The following MMRN1 variants were observed in gnomAD, a reference collection of about 807,000 sequenced individuals.
MMRN1 encodes multimerin-1.
A neutral mutation model predicts 100.7 loss-of-function variants in MMRN1; 94 were observed. That is an observed-to-expected ratio of 0.93 (90% CI 0.79 to 1.11). The LOEUF (loss-of-function observed/expected upper bound fraction) is 1.11. Ranked by LOEUF, MMRN1 falls within the 50% of genes least tolerant of loss-of-function variation. The pLI is 0.00. For missense variants in MMRN1, 1,606 were observed against 1,439.1 expected (o/e 1.12, Z -1.88); for synonymous variants, 575 against 505.0 (o/e 1.14, Z -1.86).
At chr4:89,933,149 G>A (rs1407135163) in intron 5 of MMRN1, among the ~76,000 whole-genome samples, 1 of 152,146 alleles carries the variant, frequency 6.6e-6, no homozygotes, top group African/African-American at 2.4e-5. Context: ...CAAGTTCAAA[G>A]TTCCACAGAT....
At chr4:89,887,514 G>A (rs1396849387) in intron 1 of MMRN1, among the ~76,000 whole-genome samples, 1 of 151,828 alleles carries the variant, frequency 6.6e-6, no homozygotes, top group African/African-American at 2.4e-5. Context: ...AGTGATTTTG[G>A]CTTCACATAT....
rs1180060707 is a variant in MMRN1, at chr4:89,927,981, T to A, written c.1129+13T>A. The A allele has an allele frequency of 6.6e-7, 1 of 1,518,106 alleles. No individual in the cohort carries two copies. Among genetic ancestry groups the A allele is most frequent in the Non-Finnish European group, 8.9e-7 (1 of 1,123,036 alleles). 94.0% of individuals were successfully genotyped at this position (1,518,106 alleles called of 1,614,324 possible). On this transcript the variant is annotated intron_variant, in intron 5 of 7. Transcript: ENST00000264790. ...TCTCTTCTAAAAGGTAAAAATGAAATAAAATAAAATATTCATTCAGTAACA... is the reference window on the plus strand; with the variant it reads ...TCTCTTCTAAAAGGTAAAAATGAAAAAAAATAAAATATTCATTCAGTAACA...
chr4:89,890,375 A>G (rs116104527), upstream of MMRN1, among the ~76,000 whole-genome samples: 1 of 151,566 alleles, frequency 6.6e-6, no homozygotes, highest in Admixed American at 6.6e-5. Flanking sequence ...GTTTCTGCCC[A>G]TTGGCGTTCC....
intron 2 of MMRN1, among the ~76,000 whole-genome samples, chr4:89,910,187 A>G (rs190444162): frequency 6.9e-4 from 105 of 151,552 alleles, no homozygotes; most frequent in Non-Finnish European, 1.2e-3. Context: ...AGGAATAGCT[A>G]AGGTTCATGG....
chr4:89,944,609 G>A (rs140198050), intron 6 of MMRN1, among the ~76,000 whole-genome samples: 19 of 152,210 alleles, frequency 1.2e-4, no homozygotes, highest in Non-Finnish European at 2.5e-4. Flanking sequence ...GGGTTGTTTA[G>A]AGGCAGGCAA....
At chr4:89,882,633 A>G (rs1451390453) in intron 1 of MMRN1, among the ~76,000 whole-genome samples, 1 of 150,318 alleles carries the variant, frequency 6.7e-6, no homozygotes, top group African/African-American at 2.5e-5. Flanking sequence ...CCAGAAGAAT[A>G]TATATGTTGT....
chr4:89,942,314 G>A (rs1287346813), intron 6 of MMRN1, among the ~76,000 whole-genome samples: 3 of 151,988 alleles, frequency 2.0e-5, no homozygotes, highest in Non-Finnish European at 4.4e-5. Flanking sequence ...TTTTGTACTG[G>A]TCATTAACTA....
At chr4:89,952,944 A>AC (rs3832297) in intron 7 of MMRN1, 53 bp from the exon 8 acceptor site, 946,008 of 1,485,178 alleles carry the variant, frequency 0.64, 305,061 homozygotes, top group East Asian at 0.87. Context: ...ATAAGGAAAG[A>AC]AAAATAAGAT....
At chr4:89,946,376 T>A (rs1206282708) in intron 6 of MMRN1, among the ~76,000 whole-genome samples, 1 of 152,212 alleles carries the variant, frequency 6.6e-6, no homozygotes, top group African/African-American at 2.4e-5. Flanking sequence ...CCCTCTACAA[T>A]GTTACTGTTT....
chr4:89,910,941 A>G (rs1265454878), intron 2 of MMRN1, among the ~76,000 whole-genome samples: 2 of 151,400 alleles, frequency 1.3e-5, no homozygotes, highest in Non-Finnish European at 3.0e-5. Flanking sequence ...TGTACGTGGC[A>G]AACTCCAGGA....
intron 3 of MMRN1, among the ~76,000 whole-genome samples, chr4:89,921,960 C>T (rs930263042): frequency 1.3e-5 from 2 of 152,104 alleles, no homozygotes; most frequent in Non-Finnish European, 2.9e-5. Context: ...GGAAGAAGCA[C>T]GGCTAGACAC....
chr4:89,936,196 A>C lies in MMRN1; in HGVS notation c.2516A>C (p.Gln839Pro). 6.2e-7 allele frequency: 1 copy of C among 1,607,862 alleles called. No individual in the cohort carries two copies. The highest frequency in any genetic ancestry group is 8.5e-7 in the Non-Finnish European group (1 of 1,178,420). The change falls in exon 6 of 8, where the codon CAA (glutamine) becomes CCA (proline). Residue 839 changes from glutamine to proline, a missense_variant. Physicochemically the swap from Gln to Pro is moderately conservative, Grantham distance 76. Transcript: ENST00000264790. The stretch of plus-strand genomic sequence containing the variant: ...ACTTCCCAAGTGAGAAAATACCAGC[A>C]AAATATGAGTCATTTGGAAGAAAAA... Reference protein sequence around the residue: ...ETTSQVRKYQQNMSHLEEKLL... With the variant: ...ETTSQVRKYQPNMSHLEEKLL...
chr4:89,929,388 T>G (rs1461268274), intron 5 of MMRN1, among the ~76,000 whole-genome samples: 2 of 152,140 alleles, frequency 1.3e-5, no homozygotes, highest in Admixed American at 6.6e-5. Flanking sequence ...TAATTGCTGC[T>G]ACTCAACCAC....
At position 89,927,918 on chromosome 4, in the gene MMRN1, A is replaced by G; in HGVS notation, c.1079A>G (p.Glu360Gly). 1 of 1,609,516 alleles carries G rather than the reference A, an allele frequency of 6.2e-7. No homozygotes were observed. The highest frequency in any genetic ancestry group is 8.5e-7 in the Non-Finnish European group (1 of 1,178,220). ...NDVRNTYSSL[E>G]GKVSEDKSRE... ...GTAAGGAACACTTACTCCTCCCTAG[A>G]AGGAAAAGTCAGCGAAGATAAAAGC... The change falls in exon 5 of 8, where the codon GAA becomes GGA. Residue 360 changes from glutamate (E) to glycine (G), a missense_variant. Glu to Gly is a moderately conservative substitution (Grantham distance 98). Transcript: ENST00000264790.
In MMRN1 at chr4:89,911,976, T is replaced by C. The variant is rs749994887; in HGVS notation, c.776T>C (p.Met259Thr). Residue 259 changes from methionine (M) to threonine (T), a missense_variant, in exon 3 of 8, where the codon ATG becomes ACG. By Grantham distance (81) the Met-to-Thr change is moderately conservative. Transcript: ENST00000264790. ...AAGATATCCAATCCTGTCTATAGGA[T>C]GCAACATAAAATTGTCACCTCATTG... ...SQKISNPVYR[M>T]QHKIVTSLDW... 9.4e-6 allele frequency: 15 copies of C among 1,604,226 alleles called. No homozygotes were observed. The highest frequency in any genetic ancestry group is 6.8e-5 in the Admixed American group (4 of 59,110).
intron 1 of MMRN1, among the ~76,000 whole-genome samples, chr4:89,889,271 G>A (rs778216241): frequency 6.6e-5 from 10 of 152,124 alleles, no homozygotes; most frequent in African/African-American, 1.7e-4. Flanking sequence ...TGACAATACA[G>A]AGAAAAAGCT....
chr4:89,936,717 G>T lies in MMRN1; in HGVS notation c.3037G>T (p.Ala1013Ser), dbSNP rs372333120. Residue 1013 changes from alanine (A) to serine (S), a missense_variant, in exon 6 of 8, where the codon GCA (alanine) becomes TCA (serine). Coordinates refer to ENST00000264790, the MANE Select transcript of MMRN1 (RefSeq NM_007351.3). ...AAAATCATTGCCAAAGAAAATTAAC[G>T]CACTTAAGAAACCAACGGTAAATCT... is the stretch of plus-strand genomic sequence containing the variant. ...QVKSLPKKIN[A>S]LKKPTVNLTT... The T allele has an allele frequency of 3.1e-6, 5 of 1,613,334 alleles. No homozygotes were observed. The South Asian group carries it at 5.5e-5, about 18-fold the overall frequency.
At chr4:89,894,706 T>C (rs1721131712), upstream of MMRN1, 1 of 318,100 alleles carries the variant, frequency 3.1e-6, no homozygotes, top group African/African-American at 2.1e-5. Context: ...TTGCCTGTGC[T>C]TTCCCATTTA....
intron 5 of MMRN1, among the ~76,000 whole-genome samples, 176 bp downstream of exon 5, chr4:89,928,144 C>T (rs1292610849): frequency 1.3e-5 from 2 of 151,822 alleles, no homozygotes; most frequent in Non-Finnish European, 2.9e-5. Flanking sequence ...TTTGAAATAT[C>T]TACATTTTAT....
Sources: gnomAD v4.1 joint callset for allele counts (sites outside exome capture counted in the v4.1 genomes callset) on GRCh38, gnomAD v4.1.1 for gene constraint, MANE v1.5 for transcripts, NCBI Gene and HGNC (gene_info 2026-07-23, HGNC 2026-07-21) for gene names.